The following HYCC2 variants were observed in gnomAD, a reference collection of about 807,000 sequenced individuals.
The protein encoded by HYCC2 is hyccin PI4KA lipid kinase complex subunit 2, also known as hyccin 2.
chr2:200,976,417 G>GACTACCCCTAAAGACAGGT, the HYCC2 span: 11 of 152,102 alleles, frequency 7.2e-5, no homozygotes, highest in Non-Finnish European at 1.2e-4. Flanking sequence ...ATAAATAGGG[G>GACTACCCCTAAAGACAGGT]ACTACCCCTA....
the HYCC2 span, chr2:201,063,198 G>A: frequency 1.6e-3 from 2,618 of 1,607,690 alleles, 34 homozygotes; most frequent in East Asian, 0.039. Flanking sequence ...TTTGAGCAAC[G>A]GGGAACGCTC....
At chr2:201,030,742 C>G in the HYCC2 span, among the ~76,000 whole-genome samples, 4 of 152,096 alleles carry the variant, frequency 2.6e-5, no homozygotes, top group Non-Finnish European at 5.9e-5. Flanking sequence ...CCACACCCAG[C>G]TAATTTTTGT....
At chr2:201,056,050 G>A in the HYCC2 span, among the ~76,000 whole-genome samples, 1 of 152,100 alleles carries the variant, frequency 6.6e-6, no homozygotes, top group African/African-American at 2.4e-5. Context: ...TAGCCGGGGT[G>A]GTGGCAGGCG....
At chr2:200,994,892 T>G in the HYCC2 span, among the ~76,000 whole-genome samples, 1 of 151,186 alleles carries the variant, frequency 6.6e-6, no homozygotes. Flanking sequence ...TCATAGCTAA[T>G]AAACAGGCTG....
At chr2:201,063,837 A>G in the HYCC2 span, 1 of 1,591,784 alleles carries the variant, frequency 6.3e-7, no homozygotes, top group Non-Finnish European at 8.5e-7. Context: ...TTTGGTAATG[A>G]TGGAAGCCAT....
chr2:201,024,046 G>A, the HYCC2 span: 28 of 1,543,600 alleles, frequency 1.8e-5, no homozygotes, highest in Non-Finnish European at 2.4e-5. Flanking sequence ...ATCTCTAAAA[G>A]AAAAAAGTAT....
the HYCC2 span, among the ~76,000 whole-genome samples, chr2:201,047,843 C>T: frequency 6.7e-6 from 1 of 148,860 alleles, no homozygotes; most frequent in South Asian, 2.1e-4. Flanking sequence ...GAATACTATG[C>T]CCAGCAAAAC....
the HYCC2 span, among the ~76,000 whole-genome samples, chr2:201,039,165 CCCATTACT>C: frequency 6.6e-6 from 1 of 152,148 alleles, no homozygotes; most frequent in African/African-American, 2.4e-5. Context: ...TCCCTCCAAC[CCCATTACT>C]CTGCCCATTT....
chr2:200,997,650 T>C, the HYCC2 span: 1 of 658,132 alleles, frequency 1.5e-6, no homozygotes, highest in Non-Finnish European at 2.7e-6. Context: ...ATCAAATCAA[T>C]ATAGCATCTT....
chr2:201,042,251 C>T, the HYCC2 span, among the ~76,000 whole-genome samples: 2 of 152,230 alleles, frequency 1.3e-5, no homozygotes, highest in African/African-American at 4.8e-5. Context: ...GTCTCGCTCA[C>T]TCAATGCTCA....
At chr2:200,990,379 T>A in the HYCC2 span, among the ~76,000 whole-genome samples, 96 of 152,172 alleles carry the variant, frequency 6.3e-4, no homozygotes, top group African/African-American at 2.1e-3. Context: ...CCTTCCTCAC[T>A]TCACTACTGG....
chr2:201,014,329 T>TAC, the HYCC2 span, among the ~76,000 whole-genome samples: 1 of 151,908 alleles, frequency 6.6e-6, no homozygotes, highest in Admixed American at 6.6e-5. Flanking sequence ...CAGTGATATA[T>TAC]AACAAATTTC....
the HYCC2 span, among the ~76,000 whole-genome samples, chr2:201,054,715 T>G: frequency 1.3e-5 from 2 of 152,070 alleles, no homozygotes; most frequent in African/African-American, 4.8e-5. Flanking sequence ...TTTTCCCCCA[T>G]AAAAAGTAGT....
At chr2:200,977,064 T>C in the HYCC2 span, 1 of 152,194 alleles carries the variant, frequency 6.6e-6, no homozygotes, top group Non-Finnish European at 1.5e-5. Flanking sequence ...CATACAACTG[T>C]TATGTGGCAG....
At chr2:201,051,509 T>C in the HYCC2 span, among the ~76,000 whole-genome samples, 1 of 152,186 alleles carries the variant, frequency 6.6e-6, no homozygotes, top group Non-Finnish European at 1.5e-5. Context: ...AGTTTCTGAA[T>C]ATAAGGTTAA....
the HYCC2 span, among the ~76,000 whole-genome samples, chr2:200,991,059 G>T: frequency 6.6e-6 from 1 of 152,140 alleles, no homozygotes; most frequent in Non-Finnish European, 1.5e-5. Flanking sequence ...TGTTTATTTT[G>T]TGGGAGAGTA....
the HYCC2 span, among the ~76,000 whole-genome samples, chr2:201,047,913 T>C: frequency 2.8e-5 from 4 of 143,400 alleles, no homozygotes; most frequent in Non-Finnish European, 4.5e-5. Flanking sequence ...AAAAAAAATC[T>C]CACCTTCAAG....
At chr2:200,997,851 C>T in the HYCC2 span, among the ~76,000 whole-genome samples, 1 of 152,172 alleles carries the variant, frequency 6.6e-6, no homozygotes, top group African/African-American at 2.4e-5. Flanking sequence ...TCCTGGCTAA[C>T]ACGGTGAAAC....
chr2:201,005,585 A>G, the HYCC2 span, among the ~76,000 whole-genome samples: 1 of 152,224 alleles, frequency 6.6e-6, no homozygotes, highest in East Asian at 1.9e-4. Context: ...TGGCAAAATT[A>G]GGATTGACAG....
Sources: allele counts gnomAD v4.1 joint callset (sites outside exome capture counted in the v4.1 genomes callset), GRCh38; gene constraint gnomAD v4.1.1; transcripts MANE v1.5; gene names NCBI Gene and HGNC (gene_info 2026-07-23, HGNC 2026-07-21).